SH3GL3: variants seen among roughly 807,000 people sequenced by gnomAD.
SH3GL3 encodes the protein SH3 domain containing GRB2 like 3, endophilin A3.
A neutral mutation model predicts 47.7 loss-of-function variants in SH3GL3; 33 were observed. The ratio of observed to expected loss-of-function variants is 0.69; its 90% CI spans 0.52 to 0.92. SH3GL3 has a LOEUF of 0.92. SH3GL3 is among the 40% of genes least tolerant of loss of function. SH3GL3 has a pLI of 0.00. For missense variants in SH3GL3, 363 were observed against 417.8 expected (o/e 0.87, Z 1.14); for synonymous variants, 155 against 148.8 (o/e 1.04, Z -0.30).
intron 1 of SH3GL3, among the ~76,000 whole-genome samples, chr15:83,513,401 T>G (rs1484593812): frequency 6.6e-6 from 1 of 152,178 alleles, no homozygotes; most frequent in Non-Finnish European, 1.5e-5. Context: ...CCAACTCCAC[T>G]CAAACCCTCC....
At chr15:83,598,801 T>C (rs1377813438) in intron 8 of SH3GL3, among the ~76,000 whole-genome samples, 2 of 152,368 alleles carry the variant, frequency 1.3e-5, no homozygotes, top group African/African-American at 4.8e-5. Flanking sequence ...CGGTTAAAAG[T>C]CATTTACAGA....
intron 1 of SH3GL3, among the ~76,000 whole-genome samples, chr15:83,524,046 G>A (rs1195192644): frequency 6.6e-6 from 1 of 151,986 alleles, no homozygotes; most frequent in East Asian, 1.9e-4. Context: ...TTCTCCACCT[G>A]TTTGGAAGTT....
Position 83,572,618 on chromosome 15 carries a change from G to C in SH3GL3, c.385G>C (p.Asp129His). Residue 129 changes from aspartate to histidine, a missense_variant, in exon 5 of 9, where the codon GAC becomes CAC. Asp to His is a moderately conservative substitution (Grantham distance 81, BLOSUM62 -1). Coordinates refer to ENST00000427482, the MANE Select transcript of SH3GL3 (RefSeq NM_003027.5). ...CATGAAGCTAATGGCTGAGGTGAAA[G>C]ACTCTCTTGATATTAATGTAAAGCA... Reference protein sequence around the residue: ...ESMKLMAEVKDSLDINVKQTF... With the variant: ...ESMKLMAEVKHSLDINVKQTF... The C allele has an allele frequency of 6.2e-7, 1 of 1,611,112 alleles. No individual in the cohort carries two copies. The highest frequency in any genetic ancestry group is 8.5e-7 in the Non-Finnish European group (1 of 1,177,256).
chr15:83,626,539 T>C, the SH3GL3 span, among the ~76,000 whole-genome samples: 1 of 152,230 alleles, frequency 6.6e-6, no homozygotes, highest in Non-Finnish European at 1.5e-5. Flanking sequence ...CAGTATTGGC[T>C]TCTCCAGGAA....
At chr15:83,547,233 CT>C (rs1170244356) in intron 1 of SH3GL3, among the ~76,000 whole-genome samples, 7 of 152,170 alleles carry the variant, frequency 4.6e-5, no homozygotes, top group Admixed American at 4.6e-4. Flanking sequence ...TTTCTGACTG[CT>C]GGGATGGACG....
At chr15:83,479,472 G>A (rs1373667714) in intron 1 of SH3GL3, among the ~76,000 whole-genome samples, 1 of 152,110 alleles carries the variant, frequency 6.6e-6, no homozygotes, top group Non-Finnish European at 1.5e-5. Flanking sequence ...TACCATGGAT[G>A]GTAACTGGAG....
chr15:83,493,462 G>A (rs1163024380), intron 1 of SH3GL3, among the ~76,000 whole-genome samples: 1 of 152,202 alleles, frequency 6.6e-6, no homozygotes, highest in Admixed American at 6.5e-5. Context: ...TCCCAGCCAT[G>A]TTACCGTGAC....
rs35935527 is a variant in SH3GL3, at chr15:83,587,525, TAA to T, written c.728+460_728+461del. On this transcript the variant is annotated intron_variant, in intron 7 of 8. Coordinates refer to ENST00000427482, the MANE Select transcript of SH3GL3 (RefSeq NM_003027.5). Reference sequence around the variant, plus strand: ...TGTATGGAAAATATGTAAATATCTGTAAAAAAAAAAAAAAAAAAAAAAGGTAG... The same window carrying T: ...TGTATGGAAAATATGTAAATATCTGTAAAAAAAAAAAAAAAAAAAAGGTAG... Among the ~76,000 whole-genome samples, 649 of 105,002 alleles carry T rather than the reference TAA, an allele frequency of 6.2e-3. 11 individuals are homozygous for T. The highest frequency in any genetic ancestry group is 0.022 in the African/African-American group (618 of 27,832). 68.9% of individuals were successfully genotyped at this position (105,002 alleles called of 152,430 possible).
At chr15:83,616,616 A>C (rs2060826121) in intron 8 of SH3GL3, among the ~76,000 whole-genome samples, 1 of 152,184 alleles carries the variant, frequency 6.6e-6, no homozygotes, top group Non-Finnish European at 1.5e-5. Flanking sequence ...GAAAGAATTC[A>C]TGTTCTATGA....
At chr15:83,534,396 C>T (rs2043814558) in intron 1 of SH3GL3, among the ~76,000 whole-genome samples, 1 of 152,068 alleles carries the variant, frequency 6.6e-6, no homozygotes, top group African/African-American at 2.4e-5. Flanking sequence ...CTGTCTTCCC[C>T]TCTCTCTCCC....
At chr15:83,562,064 C>A (rs868748225) in intron 2 of SH3GL3, among the ~76,000 whole-genome samples, 22 of 115,080 alleles carry the variant, frequency 1.9e-4, no homozygotes, top group African/African-American at 6.5e-4. Context: ...CACACACACA[C>A]ACACACACAC....
At chr15:83,506,782 G>A (rs1241946583) in intron 1 of SH3GL3, among the ~76,000 whole-genome samples, 2 of 152,016 alleles carry the variant, frequency 1.3e-5, no homozygotes, top group East Asian at 1.9e-4. Flanking sequence ...TGTTTCTGGT[G>A]TGAATTGGCC....
In SH3GL3 at chr15:83,572,623, T is replaced by C. The variant is rs1407245144; in HGVS notation, c.390T>C (p.Ser130=). 3.1e-6 allele frequency: 5 copies of C among 1,610,820 alleles called. No individual in the cohort carries two copies. Among genetic ancestry groups the C allele is most frequent in the Non-Finnish European group, 4.2e-6 (5 of 1,177,080 alleles). The change falls in exon 5 of 9, where the codon TCT becomes TCC. Residue 130 remains serine, a synonymous_variant. Coordinates refer to ENST00000427482, the MANE Select transcript of SH3GL3 (RefSeq NM_003027.5). ...SMKLMAEVKD[S]LDINVKQTFI... ...AGCTAATGGCTGAGGTGAAAGACTC[T>C]CTTGATATTAATGTAAAGCAAACTT...
Position 83,447,614 on chromosome 15 carries a change from A to T in SH3GL3, c.45+36A>T. On this transcript the variant is annotated intron_variant, in intron 1 of 8. Coordinates refer to ENST00000427482, the MANE Select transcript of SH3GL3 (RefSeq NM_003027.5). This position sits in a 1 kb window ranked among gnomAD's most constrained non-coding sequence, Gnocchi z 5.1. ...GCAGAGGAGGGAAGGAGGGAGGGGGACGCGGAGGCTGCGGCCCCCCGAGGC... is the reference window on the plus strand; with the variant it reads ...GCAGAGGAGGGAAGGAGGGAGGGGGTCGCGGAGGCTGCGGCCCCCCGAGGC... The T allele has an allele frequency of 7.1e-7, 1 of 1,408,322 alleles. No homozygotes were observed. The highest frequency in any genetic ancestry group is 1.3e-5 in the South Asian group (1 of 74,414). The allele number at this position is 1,408,322 out of a possible 1,614,324, so 87.2% of individuals were successfully genotyped here. A position where few individuals can be genotyped will look rare whatever the true frequency, so the allele number is the denominator to read the frequency against.
chr15:83,627,699 A>G, the SH3GL3 span, among the ~76,000 whole-genome samples: 1 of 152,192 alleles, frequency 6.6e-6, no homozygotes, highest in Non-Finnish European at 1.5e-5. Flanking sequence ...AAAGCCCCCA[A>G]ATGATCCTAA....
At chr15:83,449,822 G>A (rs541848830) in intron 1 of SH3GL3, among the ~76,000 whole-genome samples, 4 of 150,924 alleles carry the variant, frequency 2.7e-5, no homozygotes, top group Admixed American at 1.3e-4. Context: ...GTGGTTAAAA[G>A]TACTCAGTAG....
At chr15:83,512,643 C>T (rs956142787) in intron 1 of SH3GL3, among the ~76,000 whole-genome samples, 3 of 152,118 alleles carry the variant, frequency 2.0e-5, no homozygotes, top group Non-Finnish European at 4.4e-5. Flanking sequence ...GCAGCATCAT[C>T]GCTCCCTAAC....
intron 2 of SH3GL3, among the ~76,000 whole-genome samples, chr15:83,559,619 A>G (rs897872415): frequency 1.3e-5 from 2 of 152,236 alleles, no homozygotes; most frequent in Admixed American, 6.5e-5. Flanking sequence ...CTGCAAGGCC[A>G]AAGTAATTGG....
chr15:83,490,700 G>A (rs1265319283), intron 1 of SH3GL3: 12 of 1,430,412 alleles, frequency 8.4e-6, no homozygotes, highest in African/African-American at 1.4e-5. Context: ...AACAGACCAA[G>A]CTCTCACAAG....
Sources: allele counts gnomAD v4.1 joint callset (sites outside exome capture counted in the v4.1 genomes callset), GRCh38; gene constraint gnomAD v4.1.1; non-coding constraint Gnocchi (gnomAD v3.1); transcripts MANE v1.5; gene names NCBI Gene and HGNC (gene_info 2026-07-23, HGNC 2026-07-21).